The following PGBD2 variants were observed in gnomAD, a reference collection of about 807,000 sequenced individuals.
PGBD2 encodes piggyBac transposable element derived 2, also known as piggyBac transposable element-derived protein 2.
Under a neutral mutation model 8.1 loss-of-function variants are expected in PGBD2, and 6 were observed. The observed-to-expected ratio is 0.74, with a 90% CI of 0.40 to 1.46. The LOEUF is 1.46. Among genes scored for constraint, PGBD2 ranks in the 40% most tolerant of loss-of-function variants. The pLI, the probability that PGBD2 is intolerant of heterozygous loss-of-function variation, is 0.02. For synonymous variants in PGBD2, 318 were observed against 272.2 expected, an observed-to-expected ratio of 1.17 and a Z score of -1.66; for missense variants, 802 against 739.0, an observed-to-expected ratio of 1.09 and a Z score of -0.99.
the PGBD2 span, among the ~76,000 whole-genome samples, chr1:248,899,795 G>T: frequency 2.6e-3 from 377 of 142,286 alleles, no homozygotes; most frequent in African/African-American, 9.5e-3. Flanking sequence ...TGTTTTTTTT[G>T]GGAAAAAAAA....
chr1:248,914,658 G>A (rs1382749973), intron 2 of PGBD2: 1 of 1,210,932 alleles, frequency 8.3e-7, no homozygotes, highest in African/African-American at 1.6e-5. Flanking sequence ...GCACAGGGAA[G>A]CTGCAGGGAC....
the PGBD2 span, among the ~76,000 whole-genome samples, chr1:248,890,696 C>T: frequency 4.6e-5 from 7 of 151,640 alleles, no homozygotes; most frequent in Admixed American, 6.6e-5. Flanking sequence ...ACACCAACAC[C>T]GACCCCCACA....
the PGBD2 span, among the ~76,000 whole-genome samples, chr1:248,882,665 C>T: frequency 2.0e-5 from 3 of 152,162 alleles, no homozygotes; most frequent in African/African-American, 7.2e-5. Flanking sequence ...TATAGGCTCT[C>T]CACAAGGGTT....
upstream of PGBD2, among the ~76,000 whole-genome samples, chr1:248,905,233 C>T (rs923405649): frequency 6.6e-6 from 1 of 151,894 alleles, no homozygotes; most frequent in African/African-American, 2.4e-5. Flanking sequence ...TTACAGTGAC[C>T]AAAAAACCTT....
At position 248,917,166 on chromosome 1, in the gene PGBD2, T is replaced by A. The variant is rs745793929; in HGVS notation, c.582T>A (p.Tyr194Ter). ...TGATTTTAAGTGGGTACATCTCTTA[T>A]CCAAGGAGAAGGATGTTCTGGGAAA... The part of the protein sequence containing the change: ...GILILSGYIS[Y>*]PRRRMFWETS... The change falls in exon 3 of 3, where the codon TAT (tyrosine) becomes TAA (stop). Residue 194 changes from tyrosine to a stop codon, truncating the protein, a stop_gained. Transcript: ENST00000329291. LOFTEE classifies it low-confidence loss of function (END_TRUNC). 1 of 1,614,126 alleles carries A rather than the reference T, an allele frequency of 6.2e-7. No individual in the cohort carries two copies. The highest frequency in any genetic ancestry group is 2.2e-5 in the East Asian group (1 of 44,878).
chr1:248,874,943 T>TAGATAGATAGATAGATAGATAGGC, the PGBD2 span, among the ~76,000 whole-genome samples: 1 of 150,642 alleles, frequency 6.6e-6, no homozygotes, highest in African/African-American at 2.5e-5. Context: ...GATAGATAGA[T>TAGATAGATAGATAGATAGATAGGC]AGATAGATAG....
chr1:248,916,031 G>C (rs1662084859), intron 2 of PGBD2, among the ~76,000 whole-genome samples: 1 of 152,172 alleles, frequency 6.6e-6, no homozygotes, highest in African/African-American at 2.4e-5. Context: ...GGGACCCTCT[G>C]CTTTAGAGTA....
chr1:248,915,007 T>C (rs1317911423), intron 2 of PGBD2, among the ~76,000 whole-genome samples: 5 of 152,216 alleles, frequency 3.3e-5, no homozygotes, highest in African/African-American at 1.2e-4. Flanking sequence ...TAGGGCTCTT[T>C]CTCTCACCTC....
the PGBD2 span, among the ~76,000 whole-genome samples, chr1:248,930,175 T>G: frequency 6.6e-6 from 1 of 152,138 alleles, no homozygotes; most frequent in African/African-American, 2.4e-5. Context: ...CTCAGCATCA[T>G]AGCGTGCCAT....
At chr1:248,926,334 A>G in the PGBD2 span, among the ~76,000 whole-genome samples, 1 of 152,210 alleles carries the variant, frequency 6.6e-6, no homozygotes, top group Non-Finnish European at 1.5e-5. Context: ...ACACTATTAC[A>G]TAATGTAAAG....
intron 1 of PGBD2, among the ~76,000 whole-genome samples, chr1:248,907,340 C>G (rs780530794): frequency 6.6e-6 from 1 of 152,352 alleles, no homozygotes; most frequent in South Asian, 2.1e-4. Context: ...AGTTTTTCTC[C>G]TATCTCAGAA....
chr1:248,921,246 G>T (rs1480903869), downstream of PGBD2, among the ~76,000 whole-genome samples: 1 of 152,096 alleles, frequency 6.6e-6, no homozygotes, highest in Non-Finnish European at 1.5e-5. Flanking sequence ...ATTGCCCAGG[G>T]TTTCTTCTAG....
chr1:248,888,973 A>G, the PGBD2 span, among the ~76,000 whole-genome samples: 4 of 152,216 alleles, frequency 2.6e-5, no homozygotes, highest in Non-Finnish European at 5.9e-5. Context: ...TTTTCCCAGC[A>G]CTATTTATTG....
rs1230334701 is a variant in PGBD2 at position 248,916,660 on chromosome 1, G to A, written c.76G>A (p.Val26Ile). The A allele has an allele frequency of 1.2e-6, 2 of 1,614,170 alleles. No homozygotes were observed. The highest frequency in any genetic ancestry group is 1.7e-6 in the Non-Finnish European group (2 of 1,180,030). Reference sequence around the variant, plus strand: ...GGTGAAGTCTGCAAAGCTGCTTGAGGTTCTGAATGCTATGGAGGAGGAAGA... The same window carrying A: ...GGTGAAGTCTGCAAAGCTGCTTGAGATTCTGAATGCTATGGAGGAGGAAGA... ...SKVKSAKLLE[V>I]LNAMEEEESN... The change falls in exon 3 of 3, where the codon GTT becomes ATT. Residue 26 changes from valine (V) to isoleucine (I), a missense_variant. Val to Ile is a conservative substitution (Grantham distance 29). Transcript: ENST00000329291.
chr1:248,904,129 G>C (rs1175330681), upstream of PGBD2, among the ~76,000 whole-genome samples: 1 of 151,150 alleles, frequency 6.6e-6, no homozygotes, highest in East Asian at 1.9e-4. Flanking sequence ...AAACAAACTA[G>C]GCTGCAAGGC....
chr1:248,914,030 A>C, intron 2 of PGBD2, 151 bp downstream of exon 2: 1 of 765,886 alleles, frequency 1.3e-6, no homozygotes, highest in Non-Finnish European at 2.3e-6. Context: ...AGATGGGAGA[A>C]GAATGGGAAA....
At chr1:248,894,176 A>G in the PGBD2 span, among the ~76,000 whole-genome samples, 1 of 151,606 alleles carries the variant, frequency 6.6e-6, no homozygotes, top group South Asian at 2.1e-4. Flanking sequence ...CTTTGAAAAT[A>G]TTTTCTCTCA....
the PGBD2 span, among the ~76,000 whole-genome samples, chr1:248,873,948 C>A: frequency 6.6e-6 from 1 of 152,186 alleles, no homozygotes; most frequent in Non-Finnish European, 1.5e-5. Flanking sequence ...GGGTTCGAAT[C>A]CCACTTCTGA....
the PGBD2 span, among the ~76,000 whole-genome samples, chr1:248,893,539 A>G: frequency 6.6e-6 from 1 of 152,214 alleles, no homozygotes; most frequent in Non-Finnish European, 1.5e-5. Context: ...AAATGACTGC[A>G]AATAGTAGGA....
Sources: gnomAD v4.1 joint callset for allele counts (sites outside exome capture counted in the v4.1 genomes callset) on GRCh38, gnomAD v4.1.1 for gene constraint, MANE v1.5 for transcripts, NCBI Gene and HGNC (gene_info 2026-07-23, HGNC 2026-07-21) for gene names.